The following RARB variants were observed in gnomAD, a reference collection of about 807,000 sequenced individuals.
RARB encodes the protein HBV-activated protein.
RARB carries 17 observed loss-of-function variants against 51.9 expected under a neutral mutation model. The observed-to-expected ratio is 0.33, with a 90% confidence interval of 0.22 to 0.49. The LOEUF is 0.49. RARB is among the 20% of genes least tolerant of loss of function. RARB has a pLI of 0.99. For missense variants in RARB, 369 were observed against 550.8 expected, an observed-to-expected ratio of 0.67 and a Z score of 3.30; for synonymous variants, 215 against 195.4, an observed-to-expected ratio of 1.10 and a Z score of -0.84.
At chr3:24,912,183 G>C (rs757201020) in intron 2 of RARB, among the ~76,000 whole-genome samples, 1 of 152,126 alleles carries the variant, frequency 6.6e-6, no homozygotes, top group Non-Finnish European at 1.5e-5. Context: ...TGACGAGGCA[G>C]GGGGGAAATG....
chr3:25,452,125 G>C (rs900466856), intron 1 of RARB, among the ~76,000 whole-genome samples: 1 of 152,214 alleles, frequency 6.6e-6, no homozygotes, highest in Non-Finnish European at 1.5e-5. Context: ...TAAGCAGTTA[G>C]ATGTGTCGGC....
At chr3:25,214,151 T>C (rs938120507) in intron 5 of RARB, among the ~76,000 whole-genome samples, 8 of 152,266 alleles carry the variant, frequency 5.3e-5, no homozygotes, top group Admixed American at 2.6e-4. Flanking sequence ...AAGCAGCATT[T>C]TGAAAGTTTG....
chr3:25,476,646 G>A (rs1695961754), intron 2 of RARB, among the ~76,000 whole-genome samples: 1 of 152,090 alleles, frequency 6.6e-6, no homozygotes, highest in Non-Finnish European at 1.5e-5. Flanking sequence ...CAGTTAAAGG[G>A]CACCTGCTAT....
chr3:24,864,722 ATT>A (rs11321943), intron 2 of RARB, among the ~76,000 whole-genome samples: 1 of 151,914 alleles, frequency 6.6e-6, no homozygotes, highest in African/African-American at 2.4e-5. Flanking sequence ...TTTTTTAAGT[ATT>A]TTTTTTATGC....
At chr3:25,089,793 G>T (rs1457623407) in intron 3 of RARB, among the ~76,000 whole-genome samples, 1 of 152,050 alleles carries the variant, frequency 6.6e-6, no homozygotes, top group Non-Finnish European at 1.5e-5. Flanking sequence ...GTTTCCATAC[G>T]AATGATACTA....
At chr3:25,062,888 T>C (rs867635508) in intron 3 of RARB, among the ~76,000 whole-genome samples, 3 of 151,992 alleles carry the variant, frequency 2.0e-5, no homozygotes, top group Non-Finnish European at 4.4e-5. Context: ...GAAAATTCAA[T>C]TGTACATTTT....
At chr3:25,596,373 G>GCTTA (rs1232738859) in intron 7 of RARB, 47 bp from the exon 8 acceptor site, 1 of 1,485,426 alleles carries the variant, frequency 6.7e-7, no homozygotes, top group Non-Finnish European at 9.3e-7. Flanking sequence ...ATCTGTCATA[G>GCTTA]CTTAACTCCT....
intron 5 of RARB, among the ~76,000 whole-genome samples, chr3:25,247,991 C>G (rs1214692552): frequency 6.6e-6 from 1 of 152,152 alleles, no homozygotes; most frequent in Non-Finnish European, 1.5e-5. Context: ...AAGTCCCCAA[C>G]TATTATTGTA....
intron 2 of RARB, among the ~76,000 whole-genome samples, chr3:24,969,918 C>T (rs1696356884): frequency 6.6e-6 from 1 of 152,044 alleles, no homozygotes; most frequent in South Asian, 2.1e-4. Flanking sequence ...CTACAAAATG[C>T]TCAGAGCTGT....
chr3:24,942,441 A>C (rs201717551), intron 2 of RARB, among the ~76,000 whole-genome samples: 2 of 152,274 alleles, frequency 1.3e-5, no homozygotes, highest in East Asian at 3.9e-4. Context: ...ATGCACACAG[A>C]CTCGAGTAAT....
chr3:25,241,351 A>C (rs181104369), intron 5 of RARB, among the ~76,000 whole-genome samples: 2 of 152,268 alleles, frequency 1.3e-5, no homozygotes, highest in Admixed American at 6.5e-5. Flanking sequence ...TCTGGGATAC[A>C]TGTGCAGAAC....
At chr3:25,258,765 CAGA>C (rs1702928056) in intron 5 of RARB, among the ~76,000 whole-genome samples, 1 of 152,098 alleles carries the variant, frequency 6.6e-6, no homozygotes, top group Non-Finnish European at 1.5e-5. Flanking sequence ...ACAGGAGAAG[CAGA>C]AGGTTAAGCA....
chr3:25,568,434 C>T (rs767495016), intron 3 of RARB, among the ~76,000 whole-genome samples: 13 of 152,202 alleles, frequency 8.5e-5, no homozygotes, highest in Non-Finnish European at 1.3e-4. Context: ...TCCCCAGCTG[C>T]CCTCCCTCCT....
At chr3:25,583,693 C>T (rs1359656708) in intron 5 of RARB, among the ~76,000 whole-genome samples, 1 of 152,230 alleles carries the variant, frequency 6.6e-6, no homozygotes, top group Non-Finnish European at 1.5e-5. Context: ...CCCATCCTAG[C>T]CTTTGCTCGG....
intron 5 of RARB, among the ~76,000 whole-genome samples, chr3:25,220,295 C>G (rs527345633): frequency 6.6e-6 from 1 of 152,274 alleles, no homozygotes; most frequent in Non-Finnish European, 1.5e-5. Flanking sequence ...TGTAGGAATT[C>G]ATCTTGCAGT....
chr3:25,521,030 T>A (rs772919301), intron 3 of RARB, among the ~76,000 whole-genome samples: 1 of 152,198 alleles, frequency 6.6e-6, no homozygotes, highest in Non-Finnish European at 1.5e-5. Context: ...GCTGTCAAAG[T>A]GCTTTGAGAA....
chr3:25,073,514 A>G (rs927650651), intron 3 of RARB, among the ~76,000 whole-genome samples: 1 of 152,156 alleles, frequency 6.6e-6, no homozygotes, highest in Non-Finnish European at 1.5e-5. Context: ...AGGTTTCTTT[A>G]TTGCAGGGTT....
At chr3:24,963,747 A>G (rs1452298453) in intron 2 of RARB, among the ~76,000 whole-genome samples, 2 of 151,964 alleles carry the variant, frequency 1.3e-5, no homozygotes, top group African/African-American at 4.8e-5. Context: ...CAGTCACAGG[A>G]ATGCACCTGT....
intron 5 of RARB, among the ~76,000 whole-genome samples, chr3:25,207,132 A>G (rs1042212300): frequency 5.9e-5 from 9 of 152,230 alleles, no homozygotes; most frequent in Admixed American, 4.6e-4. Context: ...GGGAAAATGT[A>G]TAAATCACTA....
Sources: gnomAD v4.1 joint callset for allele counts (sites outside exome capture counted in the v4.1 genomes callset) on GRCh38, gnomAD v4.1.1 for gene constraint, MANE v1.5 for transcripts, NCBI Gene and HGNC (gene_info 2026-07-23, HGNC 2026-07-21) for gene names.